Variants in ACER1 observed in about 807,000 individuals in gnomAD.
The protein encoded by ACER1 is CTB-180A7.3.
In ACER1, 28 loss-of-function variants were observed where a neutral mutation model predicts 24.9. The observed-to-expected ratio is 1.13, with a 90% confidence interval of 0.83 to 1.54. ACER1 has a LOEUF of 1.54. Ranked by LOEUF, ACER1 falls within the 40% of genes most tolerant of loss-of-function variation. ACER1 has a pLI of 0.00. For synonymous variants in ACER1, 132 were observed against 131.4 expected (o/e 1.00, Z -0.03); for missense variants, 352 against 349.3 (o/e 1.01, Z -0.06).
At chr19:6,356,715 C>T in the ACER1 span, among the ~76,000 whole-genome samples, 2 of 144,544 alleles carry the variant, frequency 1.4e-5, no homozygotes, top group Non-Finnish European at 3.0e-5. Flanking sequence ...ATAAATCATA[C>T]TGCATGTAAA....
chr19:6,348,461 T>C, the ACER1 span, among the ~76,000 whole-genome samples: 1 of 123,694 alleles, frequency 8.1e-6, no homozygotes, highest in Non-Finnish European at 1.6e-5. Flanking sequence ...TGAGACTCCA[T>C]CTGGAAAAAA....
At chr19:6,332,348 G>T (rs1198628202) in intron 1 of ACER1, among the ~76,000 whole-genome samples, 1 of 139,574 alleles carries the variant, frequency 7.2e-6, no homozygotes, top group East Asian at 2.1e-4. Context: ...TCAGCTCACT[G>T]CATCCTCCAC....
Position 6,319,382 on chromosome 19 carries a change from G to A in ACER1, c.94-6883C>T, listed in dbSNP as rs986905975. Among the ~76,000 whole-genome samples, 6 of 152,082 alleles carry A rather than the reference G, an allele frequency of 3.9e-5. No homozygotes were observed. In the East Asian group the frequency reaches 5.8e-4, roughly 15 times the overall value. On this transcript the variant is annotated intron_variant, in intron 1 of 5. Coordinates refer to ENST00000301452, the MANE Select transcript of ACER1 (RefSeq NM_133492.3). ...TCATCCCACCCAGGCTCTGCCAGGC[G>A]GGGGAGACACCTGTCTGGGATCCCA...
intron 4 of ACER1, among the ~76,000 whole-genome samples, chr19:6,308,239 A>C (rs990061021): frequency 6.6e-6 from 1 of 152,222 alleles, no homozygotes; most frequent in African/African-American, 2.4e-5. Flanking sequence ...GTTCGAGACC[A>C]GCCTGGCCAA....
At chr19:6,320,985 G>A (rs1364531932) in intron 1 of ACER1, among the ~76,000 whole-genome samples, 1 of 151,454 alleles carries the variant, frequency 6.6e-6, no homozygotes, top group Non-Finnish European at 1.5e-5. Context: ...AAGAGCTGTG[G>A]GTTGTTTTTT....
chr19:6,350,594 G>GAAGAGA, the ACER1 span, among the ~76,000 whole-genome samples: 11 of 128,184 alleles, frequency 8.6e-5, no homozygotes, highest in East Asian at 2.8e-4. Flanking sequence ...GAAGAGAAAA[G>GAAGAGA]AAAGGAAGGA....
At chr19:6,347,098 C>CAAAA in the ACER1 span, among the ~76,000 whole-genome samples, 1,982 of 81,814 alleles carry the variant, frequency 0.024, 35 homozygotes, top group Non-Finnish European at 0.029. Context: ...CCTGTCTCTA[C>CAAAA]AAAAAAAAAA....
chr19:6,342,095 A>T, the ACER1 span, among the ~76,000 whole-genome samples: 1 of 152,208 alleles, frequency 6.6e-6, no homozygotes, highest in Admixed American at 6.6e-5. Flanking sequence ...TACCGTACAG[A>T]TGGGGAAAAT....
intron 1 of ACER1, among the ~76,000 whole-genome samples, chr19:6,320,764 C>A (rs1384556546): frequency 6.6e-6 from 1 of 152,038 alleles, no homozygotes; most frequent in African/African-American, 2.4e-5. Flanking sequence ...AAGAAATATA[C>A]CCTCTCTGAG....
chr19:6,346,007 C>T, the ACER1 span, among the ~76,000 whole-genome samples: 4 of 152,012 alleles, frequency 2.6e-5, no homozygotes, highest in East Asian at 1.9e-4. Context: ...GGATTCCAGG[C>T]GTGAGCCACT....
At chr19:6,349,426 A>G in the ACER1 span, among the ~76,000 whole-genome samples, 2 of 136,376 alleles carry the variant, frequency 1.5e-5, no homozygotes, top group Non-Finnish European at 3.1e-5. Context: ...AGAAGGAAGG[A>G]AGGAAAGAAG....
chr19:6,343,859 A>T, the ACER1 span: 1 of 152,240 alleles, frequency 6.6e-6, no homozygotes. Flanking sequence ...GCAAATGAAC[A>T]TGTCCTACAA....
At chr19:6,356,955 TAAAC>T in the ACER1 span, among the ~76,000 whole-genome samples, 4,843 of 151,726 alleles carry the variant, frequency 0.032, 268 homozygotes, top group African/African-American at 0.11. Context: ...AGATGAAAAT[TAAAC>T]AAGGCAAATG....
chr19:6,320,094 TTC>T (rs2091622434), intron 1 of ACER1, among the ~76,000 whole-genome samples: 1 of 134,644 alleles, frequency 7.4e-6, no homozygotes, highest in Non-Finnish European at 1.6e-5. Flanking sequence ...CAGAGAGAGA[TTC>T]TGTCTCAAAA....
upstream of ACER1, chr19:6,333,676 A>G: frequency 1.3e-6 from 1 of 748,266 alleles, no homozygotes; most frequent in Non-Finnish European, 2.1e-6. Flanking sequence ...ACTGGGAGGA[A>G]AAACCTGCTG....
the ACER1 span, among the ~76,000 whole-genome samples, chr19:6,358,921 A>C: frequency 7.7e-6 from 1 of 130,664 alleles, no homozygotes; most frequent in Non-Finnish European, 1.6e-5. Context: ...CAACAAGAGC[A>C]AAACTCTGTC....
At chr19:6,331,523 G>A (rs1024705574) in intron 1 of ACER1, among the ~76,000 whole-genome samples, 2 of 151,376 alleles carry the variant, frequency 1.3e-5, no homozygotes, top group Admixed American at 6.6e-5. Flanking sequence ...GCCGGGCGCC[G>A]TGGCTCACGC....
the ACER1 span, among the ~76,000 whole-genome samples, chr19:6,358,454 G>C: frequency 1.3e-5 from 2 of 152,128 alleles, no homozygotes; most frequent in African/African-American, 4.8e-5. Flanking sequence ...GGTTACAGAG[G>C]GCACAAAATT....
chr19:6,347,109 A>AAAGAAATATATATATATAT, the ACER1 span, among the ~76,000 whole-genome samples: 2 of 113,822 alleles, frequency 1.8e-5, no homozygotes, highest in African/African-American at 1.0e-4. Context: ...AAAAAAAAAA[A>AAAGAAATATATATATATAT]ATATATATAT....
Sources: gnomAD v4.1 joint callset for allele counts (sites outside exome capture counted in the v4.1 genomes callset) on GRCh38, gnomAD v4.1.1 for gene constraint, MANE v1.5 for transcripts, NCBI Gene and HGNC (gene_info 2026-07-23, HGNC 2026-07-21) for gene names.